The following TNFSF4 variants were observed in gnomAD, a reference collection of about 807,000 sequenced individuals.
TNFSF4 encodes TNF superfamily member 4, also known as tumor necrosis factor ligand superfamily member 4.
A neutral mutation model predicts 7.3 loss-of-function variants in TNFSF4; 4 were observed. That is an observed-to-expected ratio of 0.55 (90% CI 0.27 to 1.25). The LOEUF (loss-of-function observed/expected upper bound fraction) is 1.25. Ranked by LOEUF, TNFSF4 falls within the 50% of genes most tolerant of loss-of-function variation. The pLI is 0.12. For synonymous variants in TNFSF4, 76 were observed against 83.7 expected, an observed-to-expected ratio of 0.91 and a Z score of 0.50; for missense variants, 181 against 208.8, an observed-to-expected ratio of 0.87 and a Z score of 0.82.
chr1:173,281,786 T>C, the TNFSF4 span, among the ~76,000 whole-genome samples: 1 of 152,180 alleles, frequency 6.6e-6, no homozygotes, highest in African/African-American at 2.4e-5. Context: ...TGCTAAATGC[T>C]TTAAATACAT....
the TNFSF4 span, among the ~76,000 whole-genome samples, chr1:173,445,045 T>C: frequency 0.19 from 28,338 of 152,104 alleles, 2,721 homozygotes; most frequent in East Asian, 0.31. Flanking sequence ...AATAAAAGGA[T>C]AGGATTAGTG....
chr1:173,282,832 T>G, the TNFSF4 span, among the ~76,000 whole-genome samples: 1 of 152,214 alleles, frequency 6.6e-6, no homozygotes, highest in Non-Finnish European at 1.5e-5. Flanking sequence ...GTTTATATAA[T>G]AAATTCTTAC....
chr1:173,204,346 G>C (rs1650084965), intron 1 of TNFSF4, among the ~76,000 whole-genome samples: 1 of 152,168 alleles, frequency 6.6e-6, no homozygotes, highest in Non-Finnish European at 1.5e-5. Flanking sequence ...TAGATGAGGA[G>C]TGGGTAGGGT....
chr1:173,298,607 C>T, the TNFSF4 span, among the ~76,000 whole-genome samples: 1 of 151,846 alleles, frequency 6.6e-6, no homozygotes, highest in Non-Finnish European at 1.5e-5. Context: ...TTCAGGGGCT[C>T]CTCATGCTAA....
the TNFSF4 span, among the ~76,000 whole-genome samples, chr1:173,223,871 G>A: frequency 6.6e-6 from 1 of 152,156 alleles, no homozygotes; most frequent in African/African-American, 2.4e-5. Context: ...AAGAATGGGT[G>A]GTGGCCGAAA....
chr1:173,384,230 G>A, the TNFSF4 span, among the ~76,000 whole-genome samples: 1 of 152,098 alleles, frequency 6.6e-6, no homozygotes, highest in South Asian at 2.1e-4. Context: ...TTTAGAAGGG[G>A]GAGATAGAAA....
the TNFSF4 span, among the ~76,000 whole-genome samples, chr1:173,317,499 G>T: frequency 6.6e-6 from 1 of 152,314 alleles, no homozygotes; most frequent in East Asian, 1.9e-4. Context: ...CCCAGGGGAT[G>T]TCTTTAATTA....
At chr1:173,211,176 A>C (rs937353489), upstream of TNFSF4, among the ~76,000 whole-genome samples, 4 of 152,228 alleles carry the variant, frequency 2.6e-5, no homozygotes, top group African/African-American at 9.6e-5. Context: ...CTCAGTGCCA[A>C]TCTCTGAGCA....
chr1:173,215,094 G>A, the TNFSF4 span, among the ~76,000 whole-genome samples: 55 of 152,156 alleles, frequency 3.6e-4, no homozygotes, highest in African/African-American at 1.3e-3. Context: ...CAGGGCCCTG[G>A]TCTGATGGAA....
At chr1:173,241,503 C>A in the TNFSF4 span, among the ~76,000 whole-genome samples, 1 of 152,186 alleles carries the variant, frequency 6.6e-6, no homozygotes, top group Non-Finnish European at 1.5e-5. Flanking sequence ...TCTCTATCCA[C>A]AGCATTAGTA....
chr1:173,295,833 TTCA>T, the TNFSF4 span, among the ~76,000 whole-genome samples: 1 of 152,046 alleles, frequency 6.6e-6, no homozygotes, highest in Non-Finnish European at 1.5e-5. Context: ...CCACCCAAAC[TTCA>T]TCATAAATTT....
the TNFSF4 span, among the ~76,000 whole-genome samples, chr1:173,300,324 T>C: frequency 6.6e-6 from 1 of 151,780 alleles, no homozygotes; most frequent in African/African-American, 2.4e-5. Context: ...CTATGAGGAA[T>C]AGGAGGAGAG....
the TNFSF4 span, among the ~76,000 whole-genome samples, chr1:173,368,229 T>C: frequency 6.6e-6 from 1 of 152,124 alleles, no homozygotes; most frequent in Non-Finnish European, 1.5e-5. Context: ...TTCCACACTG[T>C]GGAAGCTTTG....
At chr1:173,336,696 G>C in the TNFSF4 span, among the ~76,000 whole-genome samples, 1 of 152,104 alleles carries the variant, frequency 6.6e-6, no homozygotes, top group Non-Finnish European at 1.5e-5. Context: ...ATTGGAACTA[G>C]TGAGCAAGAA....
chr1:173,436,221 T>C, the TNFSF4 span, among the ~76,000 whole-genome samples: 1 of 152,118 alleles, frequency 6.6e-6, no homozygotes. Flanking sequence ...TGGATATGGG[T>C]AAGAAGTAAC....
chr1:173,354,652 T>C, the TNFSF4 span, among the ~76,000 whole-genome samples: 1 of 152,200 alleles, frequency 6.6e-6, no homozygotes, highest in Non-Finnish European at 1.5e-5. Flanking sequence ...TTGGCAGAGG[T>C]AAACTAACCA....
intron 1 of TNFSF4, among the ~76,000 whole-genome samples, chr1:173,197,648 G>C (rs1649760973): frequency 6.6e-6 from 1 of 152,146 alleles, no homozygotes; most frequent in Non-Finnish European, 1.5e-5. Context: ...AGAACACATG[G>C]ACATGTGGGA....
the TNFSF4 span, among the ~76,000 whole-genome samples, chr1:173,404,777 A>T: frequency 6.6e-6 from 1 of 152,018 alleles, no homozygotes; most frequent in Non-Finnish European, 1.5e-5. Context: ...GATTACAGGC[A>T]TGCACCACCA....
the TNFSF4 span, among the ~76,000 whole-genome samples, chr1:173,429,329 C>T: frequency 2.0e-5 from 3 of 152,168 alleles, no homozygotes; most frequent in Admixed American, 1.3e-4. Context: ...ATAATCTGCT[C>T]ACATTTGTCA....
Sources: allele counts gnomAD v4.1 joint callset (sites outside exome capture counted in the v4.1 genomes callset), GRCh38; gene constraint gnomAD v4.1.1; transcripts MANE v1.5; gene names NCBI Gene and HGNC (gene_info 2026-07-23, HGNC 2026-07-21).